Variants in ANGPT2 observed in about 807,000 individuals in gnomAD.
ANGPT2 encodes angiopoietin-2.
ANGPT2 carries 28 observed loss-of-function variants against 62.9 expected under a neutral mutation model. The observed-to-expected ratio is 0.44, with a 90% CI of 0.33 to 0.61. The LOEUF (loss-of-function observed/expected upper bound fraction) is 0.61, where lower values mean the gene tolerates loss of function less well. ANGPT2 is among the 20% of genes least tolerant of loss of function. The pLI, the probability that ANGPT2 is intolerant of heterozygous loss-of-function variation, is 0.03. For missense variants in ANGPT2, 727 were observed against 594.9 expected (o/e 1.22, Z -2.31); for synonymous variants, 284 against 207.8 (o/e 1.37, Z -3.15).
rs201620002 is a variant in ANGPT2 at position 6,501,008 on chromosome 8, A to C, written c.*2093T>G. 106 of 152,318 alleles carry C rather than the reference A, an allele frequency of 7.0e-4. 1 individual carries two copies. The highest frequency in any genetic ancestry group is 2.4e-3 in the African/African-American group (99 of 41,578). The allele number at this position is 152,318 out of a possible 1,614,324, so 9.4% of individuals were successfully genotyped here. A position where few individuals can be genotyped will look rare whatever the true frequency, so the allele number is the denominator to read the frequency against. On this transcript the variant is annotated 3_prime_UTR_variant, in exon 9 of 9. Transcript: ENST00000629816. The stretch of plus-strand genomic sequence containing the variant: ...CTTGTTGTTGTCTTTCGAGGCTGTG[A>C]AATTTTCTTATTTTCAGTTGTTTTT...
intron 7 of ANGPT2, among the ~76,000 whole-genome samples, chr8:6,509,384 T>C (rs939097510): frequency 6.6e-6 from 1 of 152,176 alleles, no homozygotes; most frequent in African/African-American, 2.4e-5. Flanking sequence ...AGCACCAGGC[T>C]CCTCCTCCCA....
intron 1 of ANGPT2, among the ~76,000 whole-genome samples, chr8:6,556,942 C>T (rs1824718826): frequency 6.6e-6 from 1 of 152,138 alleles, no homozygotes; most frequent in African/African-American, 2.4e-5. Flanking sequence ...ACCAACACTG[C>T]CTGGACATGT....
intron 8 of ANGPT2, among the ~76,000 whole-genome samples, chr8:6,507,114 T>A (rs1813900888): frequency 6.6e-6 from 1 of 152,152 alleles, no homozygotes. Context: ...GCCAGGCTGG[T>A]CTCAAACTCC....
intron 2 of ANGPT2, among the ~76,000 whole-genome samples, chr8:6,530,633 A>T (rs1270357546): frequency 6.6e-6 from 1 of 151,884 alleles, no homozygotes; most frequent in African/African-American, 2.4e-5. Context: ...ATGACTTCCT[A>T]AGATTTAAAT....
chr8:6,520,096 TTAAG>T (rs1373105026), intron 4 of ANGPT2, 105 bp from the exon 5 acceptor site: 1 of 1,342,288 alleles, frequency 7.4e-7, no homozygotes, highest in Non-Finnish European at 1.0e-6. Flanking sequence ...TTTGGAATTC[TTAAG>T]TAAGCAAAAG....
intron 1 of ANGPT2, among the ~76,000 whole-genome samples, chr8:6,535,711 C>A (rs538131276): frequency 2.4e-4 from 37 of 152,134 alleles, no homozygotes; most frequent in African/African-American, 8.4e-4. Context: ...AAGAATGGAA[C>A]AGAACCAAAA....
At chr8:6,552,382 T>A (rs1406210977) in intron 1 of ANGPT2, among the ~76,000 whole-genome samples, 1 of 152,196 alleles carries the variant, frequency 6.6e-6, no homozygotes, top group South Asian at 2.1e-4. Flanking sequence ...TCATGCAATA[T>A]GCAGAATACA....
chr8:6,540,191 C>G (rs1206768717), intron 1 of ANGPT2, among the ~76,000 whole-genome samples: 1 of 152,140 alleles, frequency 6.6e-6, no homozygotes, highest in African/African-American at 2.4e-5. Context: ...ATTTTTTTCA[C>G]ATATATTTGA....
Position 6,500,111 on chromosome 8 carries a change from G to C in ANGPT2, c.*2990C>G. 1.6e-6 allele frequency: 1 copy of C among 618,962 alleles called. No homozygotes were observed. The highest frequency in any genetic ancestry group is 1.8e-5 in the African/African-American group (1 of 54,636). 38.3% of individuals were successfully genotyped at this position (618,962 alleles called of 1,614,324 possible). On this transcript the variant is annotated 3_prime_UTR_variant, in exon 9 of 9. Coordinates refer to ENST00000629816, the MANE Select transcript of ANGPT2 (RefSeq NM_001118887.2). ...TTCGCGAGAACAAATGTGAGAACGT[G>C]AGACCATTGTGCAAAAAGTAGTGAG...
chr8:6,518,292 C>T (rs1328952964), intron 5 of ANGPT2, among the ~76,000 whole-genome samples: 5 of 152,224 alleles, frequency 3.3e-5, no homozygotes, highest in Non-Finnish European at 5.9e-5. Flanking sequence ...CAGACAATGG[C>T]ATGCACAGAA....
chr8:6,513,873 T>C (rs762442005), intron 6 of ANGPT2, 29 bp from the exon 7 acceptor site: 3 of 1,573,446 alleles, frequency 1.9e-6, no homozygotes, highest in Non-Finnish European at 2.6e-6. Flanking sequence ...AATTCAATTA[T>C]TTCATGTAAT....
intron 3 of ANGPT2, among the ~76,000 whole-genome samples, chr8:6,522,338 G>A (rs1340194425): frequency 6.6e-6 from 1 of 151,818 alleles, no homozygotes; most frequent in African/African-American, 2.4e-5. Flanking sequence ...CTGGGCGACA[G>A]AGCGAGACTC....
At position 6,531,006 on chromosome 8, in the gene ANGPT2, T is replaced by TA. The variant is rs11385954; in HGVS notation, c.444+1325dup. ...GTTTCACTTAAATCTGCTCTTTTTT[T>TA]AAAAGTATTCCTTATAGCCCAGAGT... On this transcript the variant is annotated intron_variant, in intron 2 of 8. Coordinates refer to ENST00000629816, the MANE Select transcript of ANGPT2 (RefSeq NM_001118887.2). Among the ~76,000 whole-genome samples, 1,260 of 152,204 alleles carry TA rather than the reference T, an allele frequency of 8.3e-3. 20 individuals are homozygous for TA. The highest frequency in any genetic ancestry group is 0.029 in the African/African-American group (1,217 of 41,490).
chr8:6,523,749 A>C (rs982436410), intron 3 of ANGPT2, among the ~76,000 whole-genome samples: 1 of 152,102 alleles, frequency 6.6e-6, no homozygotes, highest in Non-Finnish European at 1.5e-5. Context: ...CACCACGCCC[A>C]GCTAATTTTT....
In ANGPT2 at chr8:6,560,524, G is replaced by A. The variant is rs186763988; in HGVS notation, c.288+2123C>T. ...CCAAGCCAGAAGCCGTAAACCGAGC[G>A]AGAGTGCAAATTGCCTTTCTCAGGT... On this transcript the variant is annotated intron_variant, in intron 1 of 8. Transcript: ENST00000629816. Among the ~76,000 whole-genome samples, 46 of 152,276 alleles carry A rather than the reference G, an allele frequency of 3.0e-4. No individual in the cohort carries two copies. In the East Asian group the frequency reaches 7.5e-3, roughly 25 times the overall value.
intron 7 of ANGPT2, among the ~76,000 whole-genome samples, chr8:6,512,861 A>G (rs1401351426): frequency 6.6e-6 from 1 of 152,210 alleles, no homozygotes; most frequent in African/African-American, 2.4e-5. Flanking sequence ...TATTTCCTGT[A>G]GAGGAGAGCA....
In ANGPT2 at chr8:6,562,767, G is replaced by C. The variant is rs1825755516; in HGVS notation, c.168C>G (p.Ser56=). Residue 56 remains serine, a synonymous_variant, in exon 1 of 9, where the codon TCC becomes TCG. Coordinates refer to ENST00000629816, the MANE Select transcript of ANGPT2 (RefSeq NM_001118887.2). The part of the protein sequence containing the change: ...LLPEMDNCRS[S]SSPYVSNAVQ... Reference sequence around the variant, plus strand: ...CAGCATTGGACACGTAGGGGCTGGAGGAAGAGCGGCAGTTGTCCATCTCTG... The same window carrying C: ...CAGCATTGGACACGTAGGGGCTGGACGAAGAGCGGCAGTTGTCCATCTCTG... The C allele has an allele frequency of 1.9e-6, 3 of 1,613,916 alleles. No individual in the cohort carries two copies. The East Asian group carries it at 6.7e-5, about 36-fold the overall frequency.
intron 2 of ANGPT2, among the ~76,000 whole-genome samples, chr8:6,530,953 C>T (rs1347281487): frequency 6.6e-6 from 1 of 152,156 alleles, no homozygotes; most frequent in Non-Finnish European, 1.5e-5. Flanking sequence ...GCTGAAGTAG[C>T]ATTTAGGAAT....
At chr8:6,527,210 C>G (rs186273886) in intron 3 of ANGPT2, among the ~76,000 whole-genome samples, 20 of 151,260 alleles carry the variant, frequency 1.3e-4, no homozygotes, top group African/African-American at 4.9e-4. Context: ...TGGAGGATTA[C>G]TCTAAGAGGA....
Sources: gnomAD v4.1 joint callset for allele counts (sites outside exome capture counted in the v4.1 genomes callset) on GRCh38, gnomAD v4.1.1 for gene constraint, MANE v1.5 for transcripts, NCBI Gene and HGNC (gene_info 2026-07-23, HGNC 2026-07-21) for gene names.